Variants in ME3 observed in about 807,000 individuals in gnomAD.
ME3 encodes malic enzyme 3, also known as NADP-dependent malic enzyme, mitochondrial.
A neutral mutation model predicts 68.9 loss-of-function variants in ME3; 48 were observed. The ratio of observed to expected loss-of-function variants is 0.70; its 90% CI spans 0.55 to 0.89. The LOEUF (loss-of-function observed/expected upper bound fraction) is 0.89. ME3 is among the 40% of genes least tolerant of loss of function. ME3 has a pLI of 0.00. For synonymous variants in ME3, 320 were observed against 318.8 expected (o/e 1.00, Z -0.04); for missense variants, 675 against 797.4 (o/e 0.85, Z 1.85).
chr11:86,600,809 C>G (rs1161272970), intron 2 of ME3, among the ~76,000 whole-genome samples: 3 of 151,794 alleles, frequency 2.0e-5, no homozygotes, highest in Non-Finnish European at 4.4e-5. Flanking sequence ...CACTCAAAAC[C>G]ACTCAACTAC....
chr11:86,448,319 C>G (rs1593996501), intron 10 of ME3, 64 bp from the exon 11 acceptor site: 2 of 1,222,712 alleles, frequency 1.6e-6, no homozygotes, highest in Non-Finnish European at 2.4e-6. Context: ...AGTACAGATG[C>G]ATTTGGAAAC....
At chr11:86,508,806 C>T (rs577491910) in exon 5 of ME3, 4 of 1,612,296 alleles carry the variant, frequency 2.5e-6, no homozygotes, top group East Asian at 2.2e-5. Context: ...ATATTGTCTT[C>T]TGGCCAAGAA....
chr11:86,594,097 G>A lies in ME3; in HGVS notation c.184-34274C>T. Reference sequence around the variant, plus strand: ...GGAAACAAAGTAAAAAAACAGACAAGATATCCCTGCCTTCATGAAACTTAC... The same window carrying A: ...GGAAACAAAGTAAAAAAACAGACAAAATATCCCTGCCTTCATGAAACTTAC... On this transcript the variant is annotated intron_variant, in intron 2 of 14. Transcript: ENST00000543262. Among the ~76,000 whole-genome samples, 2 of 146,336 alleles carry A rather than the reference G, an allele frequency of 1.4e-5. 1 individual carries two copies. The highest frequency in any genetic ancestry group is 3.0e-5 in the Non-Finnish European group (2 of 67,116).
chr11:86,576,885 C>T (rs184728546), intron 2 of ME3, among the ~76,000 whole-genome samples: 287 of 152,248 alleles, frequency 1.9e-3, no homozygotes, highest in Non-Finnish European at 3.3e-3. Context: ...TTTTAAATTC[C>T]CTTAGCTGGC....
At chr11:86,512,716 A>G (rs1953630786) in intron 4 of ME3, among the ~76,000 whole-genome samples, 1 of 152,168 alleles carries the variant, frequency 6.6e-6, no homozygotes, top group South Asian at 2.1e-4. Flanking sequence ...CCAGACTTTA[A>G]GACTTGGGGA....
chr11:86,670,424 C>A lies in ME3; in HGVS notation c.183+1338G>T, dbSNP rs1159776579. On this transcript the variant is annotated intron_variant, in intron 2 of 14. Coordinates refer to ENST00000543262, the Ensembl canonical transcript of ME3. ...TTGTGGTTCAAGCCGTGCCTGCAAC[C>A]CTTCCTCTAGATTCTTTAGATAAAG... Among the ~76,000 whole-genome samples the A allele has an allele frequency of 2.0e-5, 3 of 152,178 alleles. 1 individual carries two copies. Among genetic ancestry groups the A allele is most frequent in the South Asian group, 4.1e-4 (2 of 4,830 alleles).
At chr11:86,631,458 C>G (rs752983075) in intron 2 of ME3, among the ~76,000 whole-genome samples, 5 of 152,124 alleles carry the variant, frequency 3.3e-5, no homozygotes, top group Non-Finnish European at 7.4e-5. Flanking sequence ...GTGCCAAACT[C>G]ATAAGAAAAC....
intron 2 of ME3, among the ~76,000 whole-genome samples, chr11:86,594,059 G>A (rs187624133): frequency 6.8e-6 from 1 of 146,148 alleles, no homozygotes; most frequent in Admixed American, 7.3e-5. Flanking sequence ...ATAAACTGAC[G>A]ATACAGTAAT....
chr11:86,575,070 A>C (rs1958025100), intron 2 of ME3, among the ~76,000 whole-genome samples: 1 of 147,158 alleles, frequency 6.8e-6, no homozygotes, highest in African/African-American at 2.6e-5. Context: ...GTGTATGGGA[A>C]GCAGTCATAG....
chr11:86,475,870 T>TAG (rs1425139692), intron 7 of ME3, among the ~76,000 whole-genome samples: 2,018 of 106,276 alleles, frequency 0.019, 15 homozygotes, highest in Non-Finnish European at 0.022. Flanking sequence ...TATATATATA[T>TAG]ATATAGAGAG....
chr11:86,457,561 G>A, intron 8 of ME3: 1 of 1,162,940 alleles, frequency 8.6e-7, no homozygotes, highest in South Asian at 1.8e-5. Flanking sequence ...TACAAAATTT[G>A]GCAAATAAAG....
intron 4 of ME3, among the ~76,000 whole-genome samples, chr11:86,551,700 A>G (rs368616834): frequency 3.9e-5 from 6 of 152,240 alleles, no homozygotes; most frequent in East Asian, 3.8e-4. Flanking sequence ...CATGCATTCA[A>G]TAAATGGTAA....
chr11:86,457,610 G>A, intron 8 of ME3: 1 of 1,236,544 alleles, frequency 8.1e-7, no homozygotes, highest in South Asian at 1.3e-5. Flanking sequence ...GGGTGCTCTT[G>A]GGCTATGCAC....
intron 5 of ME3, among the ~76,000 whole-genome samples, chr11:86,503,336 G>GAT (rs903167168): frequency 3.9e-5 from 6 of 152,190 alleles, no homozygotes; most frequent in African/African-American, 1.4e-4. Flanking sequence ...TGTATCCTCA[G>GAT]ATATCAGCCC....
At chr11:86,505,267 G>C (rs1241339837) in intron 5 of ME3, among the ~76,000 whole-genome samples, 2 of 151,816 alleles carry the variant, frequency 1.3e-5, no homozygotes, top group South Asian at 4.2e-4. Flanking sequence ...GGTGGGGGGG[G>C]AGGAACCTCC....
At chr11:86,598,943 C>T (rs576323643) in intron 2 of ME3, among the ~76,000 whole-genome samples, 1 of 152,312 alleles carries the variant, frequency 6.6e-6, no homozygotes, top group African/African-American at 2.4e-5. Context: ...CACCAAAACC[C>T]CATCTGTACA....
intron 2 of ME3, among the ~76,000 whole-genome samples, chr11:86,640,329 T>C (rs17211577): frequency 0.12 from 17,944 of 151,914 alleles, 1,544 homozygotes; most frequent in East Asian, 0.4. Context: ...GAATATGGGG[T>C]TTTCCAAGGC....
At chr11:86,635,071 A>G (rs56272084) in intron 2 of ME3, among the ~76,000 whole-genome samples, 13,313 of 152,224 alleles carry the variant, frequency 0.087, 626 homozygotes, top group Non-Finnish European at 0.11. Flanking sequence ...TTGGGAGGCC[A>G]AGGCAGATGG....
At chr11:86,596,703 A>G (rs1257385137) in intron 2 of ME3, among the ~76,000 whole-genome samples, 1 of 152,228 alleles carries the variant, frequency 6.6e-6, no homozygotes, top group East Asian at 1.9e-4. Flanking sequence ...AAAGAAACTG[A>G]AATTTCAGAA....
Sources: allele counts gnomAD v4.1 joint callset (sites outside exome capture counted in the v4.1 genomes callset), GRCh38; gene constraint gnomAD v4.1.1; transcripts MANE v1.5; gene names NCBI Gene and HGNC (gene_info 2026-07-23, HGNC 2026-07-21).